Variants in PTPRA observed in about 807,000 individuals in gnomAD.
The protein encoded by PTPRA is protein tyrosine phosphatase receptor type A, also known as receptor-type tyrosine-protein phosphatase alpha.
PTPRA carries 25 observed loss-of-function variants against 104.8 expected under a neutral mutation model. That is an observed-to-expected ratio of 0.24 (90% confidence interval 0.17 to 0.33). PTPRA has a LOEUF of 0.33. Ranked by LOEUF, PTPRA falls within the 10% of genes least tolerant of loss-of-function variation. PTPRA has a pLI of 1.00. For missense variants in PTPRA, 765 were observed against 1,015.3 expected, an observed-to-expected ratio of 0.75 and a Z score of 3.35; for synonymous variants, 323 against 368.9, an observed-to-expected ratio of 0.88 and a Z score of 1.43.
intron 6 of PTPRA, among the ~76,000 whole-genome samples, chr20:2,978,735 A>G (rs1027008686): frequency 4.6e-5 from 7 of 152,210 alleles, no homozygotes; most frequent in African/African-American, 9.7e-5. Flanking sequence ...TTGTAACCAT[A>G]CTGTCTCTGT....
At chr20:3,002,641 C>T (rs942234248) in intron 9 of PTPRA, among the ~76,000 whole-genome samples, 2 of 152,150 alleles carry the variant, frequency 1.3e-5, no homozygotes, top group African/African-American at 4.8e-5. Context: ...TGTAGTAATT[C>T]TAATTCCAGA....
intron 17 of PTPRA, among the ~76,000 whole-genome samples, chr20:3,025,170 C>T (rs2065070091): frequency 6.6e-6 from 1 of 152,112 alleles, no homozygotes; most frequent in South Asian, 2.1e-4. Flanking sequence ...AAGTGCTCTC[C>T]CAGGCTGGGC....
chr20:2,926,820 T>TTGGTC (rs1319373002), intron 2 of PTPRA, among the ~76,000 whole-genome samples: 8 of 147,324 alleles, frequency 5.4e-5, no homozygotes. Context: ...AGACAGAGTC[T>TTGGTC]TGGTCTGTCG....
At chr20:2,920,676 G>T (rs1348704598) in intron 1 of PTPRA, among the ~76,000 whole-genome samples, 1 of 152,054 alleles carries the variant, frequency 6.6e-6, no homozygotes, top group African/African-American at 2.4e-5. Context: ...GTTGACTGAT[G>T]AATCAAGAGC....
intron 11 of PTPRA, among the ~76,000 whole-genome samples, chr20:3,008,941 C>A (rs2064017069): frequency 6.6e-6 from 1 of 151,500 alleles, no homozygotes; most frequent in South Asian, 2.1e-4. Context: ...TGGCTAAAAT[C>A]GTAAATTTTA....
At chr20:2,876,714 G>A (rs1297818039) in intron 1 of PTPRA, among the ~76,000 whole-genome samples, 1 of 152,204 alleles carries the variant, frequency 6.6e-6, no homozygotes, top group Non-Finnish European at 1.5e-5. Flanking sequence ...ACTGGGTCAA[G>A]GGATATGTCT....
chr20:2,956,527 T>C (rs2147853911), intron 3 of PTPRA, among the ~76,000 whole-genome samples: 1 of 152,274 alleles, frequency 6.6e-6, no homozygotes, highest in East Asian at 1.9e-4. Flanking sequence ...TTTTTCAAGC[T>C]TCCAAGTCAT....
At chr20:2,867,294 T>G in the PTPRA span, among the ~76,000 whole-genome samples, 8 of 152,134 alleles carry the variant, frequency 5.3e-5, no homozygotes, top group African/African-American at 1.4e-4. Flanking sequence ...GCCATAGGGG[T>G]CAGGGGGTGG....
chr20:2,930,619 G>A (rs1293549015), intron 2 of PTPRA, among the ~76,000 whole-genome samples: 1 of 152,006 alleles, frequency 6.6e-6, no homozygotes, highest in Non-Finnish European at 1.5e-5. Context: ...AGAGCCCCCT[G>A]TGTTATTTGG....
At chr20:3,002,861 CT>C (rs1201179931) in intron 9 of PTPRA, among the ~76,000 whole-genome samples, 3 of 152,194 alleles carry the variant, frequency 2.0e-5, no homozygotes, top group African/African-American at 7.2e-5. Context: ...GATGATCTGA[CT>C]TTGCCAGGCT....
intron 3 of PTPRA, among the ~76,000 whole-genome samples, chr20:2,957,234 G>A (rs949788422): frequency 2.6e-5 from 4 of 152,182 alleles, no homozygotes; most frequent in Non-Finnish European, 5.9e-5. Flanking sequence ...GCACTGAGCC[G>A]AGATCGCGCC....
chr20:2,965,322 AATGAAACCTGT>A (rs2061905450), intron 5 of PTPRA, 120 bp downstream of exon 5: 1 of 1,016,470 alleles, frequency 9.8e-7, no homozygotes, highest in Admixed American at 2.9e-5. Context: ...CAAGTGAAGT[AATGAAACCTGT>A]ATGTGGAATT....
chr20:2,948,695 G>T (rs551605111), intron 3 of PTPRA, among the ~76,000 whole-genome samples: 36 of 152,112 alleles, frequency 2.4e-4, no homozygotes, highest in East Asian at 1.4e-3. Flanking sequence ...CTCACGCCTG[G>T]AATCCCAGCA....
intron 2 of PTPRA, among the ~76,000 whole-genome samples, chr20:2,930,502 A>T (rs1235639333): frequency 6.6e-6 from 1 of 152,188 alleles, no homozygotes; most frequent in African/African-American, 2.4e-5. Flanking sequence ...GGCTAAAGAC[A>T]GCAGAAATAT....
chr20:3,006,905 T>C (rs2063900403), intron 10 of PTPRA, among the ~76,000 whole-genome samples: 1 of 152,180 alleles, frequency 6.6e-6, no homozygotes, highest in Admixed American at 6.6e-5. Flanking sequence ...GCTAGGATTA[T>C]AGGCGTGACC....
intron 6 of PTPRA, among the ~76,000 whole-genome samples, chr20:2,978,575 C>T (rs935292213): frequency 6.6e-6 from 1 of 152,128 alleles, no homozygotes; most frequent in African/African-American, 2.4e-5. Context: ...TAATATGGCC[C>T]TTTGTTTTCA....
chr20:2,868,618 CTTTTTTTTTTTTTTTT>C (rs56081198), upstream of PTPRA, among the ~76,000 whole-genome samples: 168 of 45,224 alleles, frequency 3.7e-3, no homozygotes, highest in African/African-American at 9.2e-3. Context: ...TCATTCTGGG[CTTTTTTTTTTTTTTTT>C]TTTTTTTTTT....
At chr20:2,951,900 G>A (rs898765900) in intron 3 of PTPRA, among the ~76,000 whole-genome samples, 1 of 152,126 alleles carries the variant, frequency 6.6e-6, no homozygotes, top group Non-Finnish European at 1.5e-5. Flanking sequence ...CAGCACTTTG[G>A]GAGGCCAAGG....
At chr20:3,015,050 G>A (rs923438172) in intron 11 of PTPRA, among the ~76,000 whole-genome samples, 2 of 152,152 alleles carry the variant, frequency 1.3e-5, no homozygotes, top group African/African-American at 2.4e-5. Flanking sequence ...AACACTGGGA[G>A]CTACTTCACC....
Sources: gnomAD v4.1 joint callset for allele counts (sites outside exome capture counted in the v4.1 genomes callset) on GRCh38, gnomAD v4.1.1 for gene constraint, MANE v1.5 for transcripts, NCBI Gene and HGNC (gene_info 2026-07-23, HGNC 2026-07-21) for gene names.